Variants in CAT observed in about 807,000 individuals in gnomAD.
The protein encoded by CAT is catalase, also known as epididymis secretory sperm binding protein.
Under a neutral mutation model 59.0 loss-of-function variants are expected in CAT, and 43 were observed. The observed-to-expected ratio is 0.73, with a 90% confidence interval of 0.57 to 0.94. The LOEUF is 0.94. CAT is among the 40% of genes least tolerant of loss of function. The pLI, the probability that CAT is intolerant of heterozygous loss-of-function variation, is 0.00. For synonymous variants in CAT, 218 were observed against 230.9 expected, an observed-to-expected ratio of 0.94 and a Z score of 0.51; for missense variants, 664 against 682.9, an observed-to-expected ratio of 0.97 and a Z score of 0.31.
chr11:34,471,389 C>T lies in CAT; in HGVS notation c.1540C>T (p.Gln514Ter). ...KPKNAIHTFV[Q>*]SGSHLAAREK... is the part of the protein sequence containing the mutation. ...ACAGAATGCGATTCACACCTTTGTG[C>T]AGTCCGGATCTCACTTGGCGGCAAG... is the stretch of plus-strand genomic sequence containing the variant. Residue 514 changes from glutamine to a stop codon, truncating the protein, a stop_gained, in exon 13 of 13, where the codon CAG becomes TAG. Coordinates refer to ENST00000241052, the MANE Select transcript of CAT (RefSeq NM_001752.4). LOFTEE classifies it high-confidence loss of function. The T allele has an allele frequency of 6.2e-7, 1 of 1,613,956 alleles. No individual in the cohort carries two copies. The highest frequency in any genetic ancestry group is 8.5e-7 in the Non-Finnish European group (1 of 1,179,818).
At chr11:34,467,587 T>A (rs1856733254) in intron 10 of CAT, among the ~76,000 whole-genome samples, 1 of 152,198 alleles carries the variant, frequency 6.6e-6, no homozygotes, top group Non-Finnish European at 1.5e-5. Flanking sequence ...TTATAGATAC[T>A]CAATATTTGT....
Position 34,439,025 on chromosome 11 carries a change from C to T in CAT, c.12C>T (p.Ser4=), listed in dbSNP as rs769872790. The T allele has an allele frequency of 1.3e-6, 2 of 1,594,678 alleles. No individual in the cohort carries two copies. The highest frequency in any genetic ancestry group is 1.1e-5 in the South Asian group (1 of 88,404). ...GCAAACCGCACGCTATGGCTGACAG[C>T]CGGGATCCCGCCAGCGACCAGATGC... MAD[S]RDPASDQMQH... The change falls in exon 1 of 13, where the codon AGC becomes AGT. Residue 4 remains serine, a synonymous_variant. Transcript: ENST00000241052.
At chr11:34,442,526 T>A (rs1698398801) in intron 1 of CAT, among the ~76,000 whole-genome samples, 1 of 152,102 alleles carries the variant, frequency 6.6e-6, no homozygotes, top group South Asian at 2.1e-4. Context: ...ACTTGAACCC[T>A]GGAGGCGGAG....
At chr11:34,446,000 C>T (rs1856449678) in intron 1 of CAT, among the ~76,000 whole-genome samples, 1 of 152,070 alleles carries the variant, frequency 6.6e-6, no homozygotes, top group Non-Finnish European at 1.5e-5. Flanking sequence ...CGTTTTCTAG[C>T]CCCACCCTCT....
rs1365452366 is a variant in CAT at position 34,461,257 on chromosome 11, C to CT, written c.1068dup (p.Ala357CysfsTer4). On this transcript the variant is annotated frameshift_variant, in exon 9 of 13. Transcript: ENST00000241052. LOFTEE classifies it high-confidence loss of function. ...ATTGTATTTATTACTGCAGGGCCGC[C>CT]TTTTTGCCTATCCTGACACTCACCG... The CT allele has an allele frequency of 2.5e-6, 4 of 1,614,200 alleles. No individual in the cohort carries two copies. The highest frequency in any genetic ancestry group is 3.4e-6 in the Non-Finnish European group (4 of 1,180,026).
rs546871648 is a variant in CAT at position 34,451,117 on chromosome 11, G to A, written c.349+19G>A. On this transcript the variant is annotated intron_variant, in intron 3 of 12. Transcript: ENST00000241052. ...ACTGTTGGTAAGTTGGTTTATTGGC[G>A]TGATTGGTATGGCTTAACTCAACTT... 4.6e-5 allele frequency: 65 copies of A among 1,398,456 alleles called. No homozygotes were observed. The Admixed American group carries it at 6.9e-4, about 15-fold the overall frequency. 86.6% of individuals were successfully genotyped at this position (1,398,456 alleles called of 1,614,324 possible).
At chr11:34,443,574 T>TA (rs1856416055) in intron 1 of CAT, among the ~76,000 whole-genome samples, 1 of 150,736 alleles carries the variant, frequency 6.6e-6, no homozygotes, top group Admixed American at 6.6e-5. Context: ...CCATTTCCTT[T>TA]TTTTTTTTTT....
At chr11:34,467,597 TTG>T (rs1183976238) in intron 10 of CAT, among the ~76,000 whole-genome samples, 1 of 152,168 alleles carries the variant, frequency 6.6e-6, no homozygotes, top group East Asian at 1.9e-4. Flanking sequence ...TCAATATTTG[TTG>T]AATGAGTGGA....
intron 11 of CAT, 159 bp from the exon 12 acceptor site, chr11:34,470,799 C>G: frequency 1.3e-6 from 1 of 746,386 alleles, no homozygotes; most frequent in Non-Finnish European, 2.4e-6. Context: ...GGACCTGCAT[C>G]TTAACTCTGA....
chr11:34,456,069 A>T lies in CAT; in HGVS notation c.770A>T (p.Asp257Val). ...VEDAARLSQEDPDYGIRDLFN... is the reference protein window; with the variant it reads ...VEDAARLSQEVPDYGIRDLFN... The stretch of plus-strand genomic sequence containing the variant: ...GATGCGGCGAGACTTTCCCAGGAAG[A>T]TCCTGACTATGGCATCCGGGATCTT... Residue 257 changes from aspartate (D) to valine (V), a missense_variant, in exon 7 of 13, where the codon GAT (aspartate) becomes GTT (valine). By Grantham distance (152) the Asp-to-Val change is radical. Transcript: ENST00000241052. The T allele has an allele frequency of 1.2e-6, 2 of 1,614,138 alleles. No individual in the cohort carries two copies. The highest frequency in any genetic ancestry group is 1.7e-6 in the Non-Finnish European group (2 of 1,180,026).
intron 7 of CAT, among the ~76,000 whole-genome samples, 182 bp from the exon 8 acceptor site, chr11:34,456,483 G>A (rs1368312264): frequency 6.6e-6 from 1 of 152,204 alleles, no homozygotes; most frequent in Non-Finnish European, 1.5e-5. Flanking sequence ...GAAACTGTCA[G>A]TATTTACCAC....
At chr11:34,451,818 GTTATC>G (rs1427352339) in intron 3 of CAT, among the ~76,000 whole-genome samples, 1 of 152,118 alleles carries the variant, frequency 6.6e-6, no homozygotes, top group Non-Finnish European at 1.5e-5. Context: ...TTTGAACAAA[GTTATC>G]TTATTATGGT....
At chr11:34,468,218 G>T in intron 10 of CAT, 70 bp from the exon 11 acceptor site, 1 of 1,012,112 alleles carries the variant, frequency 9.9e-7, no homozygotes, top group East Asian at 2.4e-5. Context: ...CCTAAGTGTT[G>T]TAGTAGGTGA....
intron 10 of CAT, among the ~76,000 whole-genome samples, chr11:34,466,633 T>C (rs978458659): frequency 3.3e-5 from 5 of 150,780 alleles, no homozygotes; most frequent in Admixed American, 1.3e-4. Flanking sequence ...AAAAAAAAAT[T>C]AGCCGGGCGT....
At position 34,452,110 on chromosome 11, in the gene CAT, A is replaced by G. The variant is rs1590302135; in HGVS notation, c.383A>G (p.Asp128Gly). The G allele has an allele frequency of 6.2e-7, 1 of 1,613,668 alleles. No individual in the cohort carries two copies. Among genetic ancestry groups the G allele is most frequent in the Non-Finnish European group, 8.5e-7 (1 of 1,179,770 alleles). ...GESGSADTVR[D>G]PRGFAVKFYT... ...TCGGGTTCAGCTGACACAGTTCGGGACCCTCGTGGGTTTGCAGTGAAATTT... is the reference window on the plus strand; with the variant it reads ...TCGGGTTCAGCTGACACAGTTCGGGGCCCTCGTGGGTTTGCAGTGAAATTT... The change falls in exon 4 of 13, where the codon GAC becomes GGC. Residue 128 changes from aspartate (D) to glycine (G), a missense_variant. Coordinates refer to ENST00000241052, the MANE Select transcript of CAT (RefSeq NM_001752.4).
intron 10 of CAT, among the ~76,000 whole-genome samples, chr11:34,466,642 G>A (rs1213966055): frequency 4.6e-5 from 7 of 151,768 alleles, no homozygotes; most frequent in Middle Eastern, 3.4e-3. Flanking sequence ...TTAGCCGGGC[G>A]TGGTGGCGGG....
At chr11:34,454,019 C>A in intron 6 of CAT, 93 bp downstream of exon 6, 1 of 1,367,762 alleles carries the variant, frequency 7.3e-7, no homozygotes. Flanking sequence ...AGGCTTCTCC[C>A]ACTTTTCCCT....
At chr11:34,447,026 G>C (rs1856465065) in intron 1 of CAT, among the ~76,000 whole-genome samples, 1 of 152,172 alleles carries the variant, frequency 6.6e-6, no homozygotes, top group Non-Finnish European at 1.5e-5. Flanking sequence ...TTACAGGTGT[G>C]AGCCACCGCG....
intron 8 of CAT, among the ~76,000 whole-genome samples, chr11:34,457,322 C>T (rs777670372): frequency 6.7e-6 from 1 of 149,212 alleles, no homozygotes; most frequent in Non-Finnish European, 1.5e-5. Flanking sequence ...AAGCGATCCT[C>T]CTGCCTCAGC....
Sources: gnomAD v4.1 joint callset for allele counts (sites outside exome capture counted in the v4.1 genomes callset) on GRCh38, gnomAD v4.1.1 for gene constraint, MANE v1.5 for transcripts, NCBI Gene and HGNC (gene_info 2026-07-23, HGNC 2026-07-21) for gene names.